FAM228B: variants seen among roughly 807,000 people sequenced by gnomAD.
FAM228B encodes the protein protein FAM228B.
In FAM228B, 38 loss-of-function variants were observed where a neutral mutation model predicts 42.6. That is an observed-to-expected ratio of 0.89 (90% CI 0.69 to 1.17). The LOEUF is 1.17. Among genes scored for constraint, FAM228B ranks in the 50% most tolerant of loss-of-function variants. The pLI is 0.00. For missense variants in FAM228B, 344 were observed against 367.3 expected (o/e 0.94, Z 0.52); for synonymous variants, 109 against 122.3 (o/e 0.89, Z 0.72).
intron 7 of FAM228B, among the ~76,000 whole-genome samples, chr2:24,150,629 T>C (rs753464628): frequency 8.5e-5 from 13 of 152,188 alleles, no homozygotes; most frequent in Admixed American, 3.3e-4. Context: ...TTCTCCACAT[T>C]GGCCAGGCTG....
At chr2:24,107,545 C>A (rs1391683981) in intron 3 of FAM228B, among the ~76,000 whole-genome samples, 4 of 152,046 alleles carry the variant, frequency 2.6e-5, no homozygotes, top group Non-Finnish European at 5.9e-5. Flanking sequence ...CAATACTCAG[C>A]AAAATAAAAA....
Position 24,080,857 on chromosome 2 carries a change from T to G in FAM228B, c.-289-19T>G, listed in dbSNP as rs1199618294. On this transcript the variant is annotated intron_variant, in intron 1 of 10. Transcript: ENST00000613899. The surrounding 1 kb of genome is among the most constrained non-coding windows in gnomAD (Gnocchi z 4.7). ...CAGCGTTGCTTCAGAGAAATCCTCTTTTTTGTAATTGAATCCAGCAGCTGC... is the reference window on the plus strand; with the variant it reads ...CAGCGTTGCTTCAGAGAAATCCTCTGTTTTGTAATTGAATCCAGCAGCTGC... 1.2e-6 allele frequency: 2 copies of G among 1,614,130 alleles called. No homozygotes were observed. Among genetic ancestry groups the G allele is most frequent in the Non-Finnish European group, 1.7e-6 (2 of 1,180,048 alleles).
At chr2:24,156,127 G>A (rs146146682) in intron 7 of FAM228B, among the ~76,000 whole-genome samples, 118 of 152,186 alleles carry the variant, frequency 7.8e-4, no homozygotes, top group African/African-American at 2.6e-3. Flanking sequence ...TCTGTGTTCC[G>A]GTCACAAATA....
intron 7 of FAM228B, among the ~76,000 whole-genome samples, chr2:24,147,904 G>A (rs1164746079): frequency 9.1e-6 from 1 of 109,638 alleles, no homozygotes; most frequent in African/African-American, 3.3e-5. Flanking sequence ...ACAATGGCTT[G>A]TTTTGCCTTG....
intron 2 of FAM228B, among the ~76,000 whole-genome samples, chr2:24,089,533 A>G (rs1332750424): frequency 6.6e-6 from 1 of 152,138 alleles, no homozygotes; most frequent in Admixed American, 6.6e-5. Flanking sequence ...ACTTTGGTCA[A>G]TGATGAGTGA....
chr2:24,106,480 C>A (rs370115801), intron 3 of FAM228B, among the ~76,000 whole-genome samples: 1 of 151,764 alleles, frequency 6.6e-6, no homozygotes, highest in East Asian at 1.9e-4. Context: ...CCACTATGAC[C>A]AGCTAATTTT....
At chr2:24,151,923 C>T (rs529023751) in intron 7 of FAM228B, among the ~76,000 whole-genome samples, 1 of 152,182 alleles carries the variant, frequency 6.6e-6, no homozygotes, top group East Asian at 1.9e-4. Flanking sequence ...GGCTGGAGTG[C>T]AGTGGCATGA....
intron 2 of FAM228B, among the ~76,000 whole-genome samples, chr2:24,128,722 C>T (rs4277477): frequency 0.029 from 4,403 of 151,376 alleles, 82 homozygotes; most frequent in African/African-American, 0.055. Context: ...AGTACAAGTG[C>T]ACAGATTTCC....
At chr2:24,145,296 C>A (rs1315032606) in intron 5 of FAM228B, among the ~76,000 whole-genome samples, 1 of 152,176 alleles carries the variant, frequency 6.6e-6, no homozygotes, top group Non-Finnish European at 1.5e-5. Flanking sequence ...TGTCCCCATC[C>A]CCCGCAAAGC....
intron 3 of FAM228B, among the ~76,000 whole-genome samples, chr2:24,117,694 C>T (rs919557986): frequency 4.0e-5 from 6 of 151,882 alleles, no homozygotes; most frequent in African/African-American, 9.7e-5. Context: ...ACACCTGCCT[C>T]GGCCTCCCAA....
intron 1 of FAM228B, among the ~76,000 whole-genome samples, chr2:24,078,011 G>A (rs564913001): frequency 2.0e-5 from 3 of 152,160 alleles, no homozygotes; most frequent in Admixed American, 6.5e-5. Context: ...TTCAGAAAAG[G>A]CTAGCTGACC....
At chr2:24,106,539 C>T (rs747416625) in intron 3 of FAM228B, among the ~76,000 whole-genome samples, 10 of 151,910 alleles carry the variant, frequency 6.6e-5, no homozygotes, top group Non-Finnish European at 1.0e-4. Flanking sequence ...AGGCTGGTTT[C>T]AAACTCCTGA....
intron 5 of FAM228B, among the ~76,000 whole-genome samples, chr2:24,142,909 A>G (rs1467855923): frequency 1.3e-5 from 2 of 152,242 alleles, no homozygotes; most frequent in African/African-American, 4.8e-5. Flanking sequence ...AACATTTGGA[A>G]GATCTTGCAT....
intron 2 of FAM228B, among the ~76,000 whole-genome samples, chr2:24,086,106 GC>G (rs1665238273): frequency 6.6e-6 from 1 of 151,554 alleles, no homozygotes; most frequent in Non-Finnish European, 1.5e-5. Context: ...GTGGTGGCGG[GC>G]GCCTGTAGTC....
chr2:24,090,303 C>G (rs558940409), intron 2 of FAM228B, among the ~76,000 whole-genome samples: 1 of 151,906 alleles, frequency 6.6e-6, no homozygotes, highest in East Asian at 1.9e-4. Flanking sequence ...TTAGCAAGGA[C>G]TGGCACGGTG....
intron 3 of FAM228B, chr2:24,096,943 A>G (rs1458580673): frequency 6.6e-6 from 1 of 152,234 alleles, no homozygotes; most frequent in Non-Finnish European, 1.5e-5. Context: ...CTCTCTGCAG[A>G]AACCCTACAA....
chr2:24,157,971 C>T (rs1667192206), intron 7 of FAM228B, among the ~76,000 whole-genome samples: 1 of 152,134 alleles, frequency 6.6e-6, no homozygotes, highest in African/African-American at 2.4e-5. Context: ...CCTTATGTTA[C>T]ATGGTGCTAC....
intron 9 of FAM228B, among the ~76,000 whole-genome samples, chr2:24,167,097 G>T (rs1180155342): frequency 1.3e-5 from 2 of 152,192 alleles, no homozygotes; most frequent in East Asian, 3.9e-4. Context: ...TATCTAATCA[G>T]CATTGTACAA....
intron 2 of FAM228B, among the ~76,000 whole-genome samples, chr2:24,082,154 C>G (rs1665035624): frequency 6.6e-6 from 1 of 152,124 alleles, no homozygotes; most frequent in African/African-American, 2.4e-5. Context: ...CACCATCATG[C>G]CTGGTTAATT....
Sources: gnomAD v4.1 joint callset for allele counts (sites outside exome capture counted in the v4.1 genomes callset) on GRCh38, gnomAD v4.1.1 for gene constraint, Gnocchi (gnomAD v3.1) non-coding constraint, MANE v1.5 for transcripts, NCBI Gene and HGNC (gene_info 2026-07-23, HGNC 2026-07-21) for gene names.